The following VEPH1 variants were observed in gnomAD, a reference collection of about 807,000 sequenced individuals.
VEPH1 encodes the protein ventricular zone expressed PH domain containing 1.
In VEPH1, 80 loss-of-function variants were observed where a neutral mutation model predicts 85.2. That is an observed-to-expected ratio of 0.94 (90% CI 0.78 to 1.13). VEPH1 has a LOEUF of 1.13. Among genes scored for constraint, VEPH1 ranks in the 50% most tolerant of loss-of-function variants. The pLI, the probability that VEPH1 is intolerant of heterozygous loss-of-function variation, is 0.00. For synonymous variants in VEPH1, 297 were observed against 348.0 expected, an observed-to-expected ratio of 0.85 and a Z score of 1.63; for missense variants, 955 against 980.5, an observed-to-expected ratio of 0.97 and a Z score of 0.35.
At chr3:157,295,191 G>T (rs1182890942) in intron 11 of VEPH1, among the ~76,000 whole-genome samples, 1 of 152,188 alleles carries the variant, frequency 6.6e-6, no homozygotes, top group African/African-American at 2.4e-5. Context: ...AACTTAGGAG[G>T]TTATTTGTTG....
chr3:157,273,925 G>C (rs10936075), intron 12 of VEPH1, among the ~76,000 whole-genome samples: 1 of 152,190 alleles, frequency 6.6e-6, no homozygotes, highest in South Asian at 2.1e-4. Context: ...ACATGAGACT[G>C]TACCAAAGAC....
intron 9 of VEPH1, among the ~76,000 whole-genome samples, chr3:157,329,449 T>G (rs1722272112): frequency 6.6e-6 from 1 of 152,230 alleles, no homozygotes. Context: ...CATAAAATTA[T>G]TTTTCTATAA....
At chr3:157,360,952 C>T (rs976746132) in intron 9 of VEPH1, among the ~76,000 whole-genome samples, 8 of 152,150 alleles carry the variant, frequency 5.3e-5, no homozygotes, top group African/African-American at 1.9e-4. Flanking sequence ...TTCCACAAGA[C>T]TAAAACTCAT....
chr3:157,437,766 C>A, intron 4 of VEPH1: 1 of 1,485,944 alleles, frequency 6.7e-7, no homozygotes, highest in South Asian at 1.3e-5. Context: ...GCGACGCGGG[C>A]CGCAGGCTGG....
chr3:157,283,212 T>A (rs1323929756), intron 12 of VEPH1, among the ~76,000 whole-genome samples: 6 of 152,146 alleles, frequency 3.9e-5, no homozygotes, highest in Non-Finnish European at 8.8e-5. Flanking sequence ...TTAACTTGAA[T>A]TTTCCCTACA....
intron 2 of VEPH1, among the ~76,000 whole-genome samples, chr3:157,491,165 T>C (rs1028729265): frequency 1.3e-5 from 2 of 151,982 alleles, no homozygotes; most frequent in Non-Finnish European, 2.9e-5. Context: ...GGGAGGAGAA[T>C]TGGATTAAAA....
At chr3:157,299,351 G>A (rs972719660) in intron 11 of VEPH1, among the ~76,000 whole-genome samples, 3 of 151,860 alleles carry the variant, frequency 2.0e-5, no homozygotes, top group Non-Finnish European at 4.4e-5. Flanking sequence ...TTGAGTCCAG[G>A]AGTTTGAGAC....
intron 9 of VEPH1, among the ~76,000 whole-genome samples, chr3:157,319,695 A>G (rs1216930180): frequency 6.6e-6 from 1 of 152,176 alleles, no homozygotes; most frequent in African/African-American, 2.4e-5. Context: ...CTTTATCATG[A>G]AAAAATAGTT....
intron 11 of VEPH1, among the ~76,000 whole-genome samples, chr3:157,298,779 GT>G (rs1418373498): frequency 1.3e-5 from 2 of 151,880 alleles, no homozygotes; most frequent in South Asian, 2.1e-4. Flanking sequence ...CTAGGAAATA[GT>G]TTTTTTTACT....
At chr3:157,343,281 C>A (rs183639559) in intron 9 of VEPH1, among the ~76,000 whole-genome samples, 31 of 152,002 alleles carry the variant, frequency 2.0e-4, no homozygotes, top group Non-Finnish European at 4.4e-4. Flanking sequence ...AGACCACTAG[C>A]AAGACTAATA....
At chr3:157,409,525 T>C (rs890559520) in intron 6 of VEPH1, 29 of 760,232 alleles carry the variant, frequency 3.8e-5, no homozygotes, top group Non-Finnish European at 4.7e-5. Context: ...TTTATTTAAG[T>C]TTGGGCAAAA....
At chr3:157,284,644 A>C (rs1483712071) in intron 12 of VEPH1, among the ~76,000 whole-genome samples, 1 of 149,510 alleles carries the variant, frequency 6.7e-6, no homozygotes, top group Non-Finnish European at 1.5e-5. Context: ...TATATAAACT[A>C]TCCAGGGAGT....
At chr3:157,462,529 G>A (rs1735980352) in intron 3 of VEPH1, among the ~76,000 whole-genome samples, 1 of 152,182 alleles carries the variant, frequency 6.6e-6, no homozygotes, top group South Asian at 2.1e-4. Flanking sequence ...TTCACACTAA[G>A]TATGGGAATC....
intron 3 of VEPH1, among the ~76,000 whole-genome samples, chr3:157,464,151 C>A (rs1736147958): frequency 6.6e-6 from 1 of 152,160 alleles, no homozygotes; most frequent in South Asian, 2.1e-4. Context: ...GACTTACATT[C>A]AAAAAAGTTA....
rs1560000948 is a variant in VEPH1, at chr3:157,369,179, T to TAAAA, written c.1128-4668_1128-4667insTTTT. The stretch of plus-strand genomic sequence containing the variant: ...AACAACAACAACAACAAAAACCAAA[T>TAAAA]GAAAAAAAAAAAAAAAAAAAAAAAA... On this transcript the variant is annotated intron_variant, in intron 7 of 13. Coordinates refer to ENST00000362010, the MANE Select transcript of VEPH1 (RefSeq NM_001167912.2). Among the ~76,000 whole-genome samples, 92 of 15,060 alleles carry TAAAA rather than the reference T, an allele frequency of 6.1e-3. 1 individual carries two copies. Among genetic ancestry groups the TAAAA allele is most frequent in the Non-Finnish European group, 8.5e-3 (70 of 8,262 alleles). 9.9% of individuals were successfully genotyped at this position (15,060 alleles called of 152,430 possible).
At chr3:157,477,048 T>G (rs1483789971) in intron 2 of VEPH1, among the ~76,000 whole-genome samples, 2 of 152,186 alleles carry the variant, frequency 1.3e-5, no homozygotes, top group Admixed American at 1.3e-4. Flanking sequence ...TTGTTATAGT[T>G]GCAAATAATT....
In VEPH1 at chr3:157,285,751, T is replaced by C. The variant is rs181328963; in HGVS notation, c.2128+806A>G. Among the ~76,000 whole-genome samples, 21 of 152,340 alleles carry C rather than the reference T, an allele frequency of 1.4e-4. No homozygotes were observed. In the East Asian group the frequency reaches 4.1e-3, roughly 29 times the overall value. On this transcript the variant is annotated intron_variant, in intron 12 of 13. Transcript: ENST00000362010. ...TAGCAACGTGTTTCCACTGGTTGGA[T>C]TGAGCAAGTGTAACCAGAAGGCAGA...
At chr3:157,475,155 A>ATT (rs557209438) in intron 2 of VEPH1, among the ~76,000 whole-genome samples, 247 of 127,600 alleles carry the variant, frequency 1.9e-3, no homozygotes, top group African/African-American at 4.2e-3. Context: ...AATTTTTTTA[A>ATT]TTTTTTTTTT....
At position 157,364,331 on chromosome 3, in the gene VEPH1, C is replaced by G; in HGVS notation, c.1309G>C (p.Glu437Gln). ...TTAAATCTAATGTTTTTTCTTTCTT[C>G]TTTAGAAACTTGGCCCAGACTATAT... is the stretch of plus-strand genomic sequence containing the variant. ...RRYSLGQVSKEERKNIRFNRS... is the reference protein window; with the variant it reads ...RRYSLGQVSKQERKNIRFNRS... Residue 437 changes from glutamate to glutamine, a missense_variant, in exon 8 of 14, where the codon GAA becomes CAA. Coordinates refer to ENST00000362010, the MANE Select transcript of VEPH1 (RefSeq NM_001167912.2). The G allele has an allele frequency of 1.2e-6, 2 of 1,611,816 alleles. No homozygotes were observed. Among genetic ancestry groups the G allele is most frequent in the Non-Finnish European group, 1.7e-6 (2 of 1,179,344 alleles).
Sources: gnomAD v4.1 joint callset for allele counts (sites outside exome capture counted in the v4.1 genomes callset) on GRCh38, gnomAD v4.1.1 for gene constraint, MANE v1.5 for transcripts, NCBI Gene and HGNC (gene_info 2026-07-23, HGNC 2026-07-21) for gene names.